The following DDX60 variants were observed in gnomAD, a reference collection of about 807,000 sequenced individuals.
The protein encoded by DDX60 is probable ATP-dependent RNA helicase DDX60.
In DDX60, 165 loss-of-function variants were observed where a neutral mutation model predicts 212.8. The observed-to-expected ratio is 0.78, with a 90% CI of 0.68 to 0.88. The LOEUF is 0.88. Ranked by LOEUF, DDX60 falls within the 40% of genes least tolerant of loss-of-function variation. The pLI, the probability that DDX60 is intolerant of heterozygous loss-of-function variation, is 0.00. For missense variants in DDX60, 1,905 were observed against 2,003.9 expected (o/e 0.95, Z 0.94); for synonymous variants, 703 against 685.3 (o/e 1.03, Z -0.40).
intron 6 of DDX60, among the ~76,000 whole-genome samples, chr4:168,297,370 GAAAGAAAGAAAGAGAAAGAA>G (rs1560870573): frequency 2.1e-4 from 11 of 52,810 alleles, no homozygotes; most frequent in Non-Finnish European, 7.1e-5. Flanking sequence ...AAGAAAGAAA[GAAAGAAAGAAAGAGAAAGAA>G]AGAAAGAAAG....
intron 18 of DDX60, among the ~76,000 whole-genome samples, 169 bp downstream of exon 18, chr4:168,273,106 TCTCA>T (rs1735174422): frequency 6.6e-6 from 1 of 152,220 alleles, no homozygotes; most frequent in South Asian, 2.1e-4. Flanking sequence ...GAGTTCTAGT[TCTCA>T]CTCTTTGAAA....
At chr4:168,219,246 G>A (rs1286744789) in intron 37 of DDX60, among the ~76,000 whole-genome samples, 2 of 150,860 alleles carry the variant, frequency 1.3e-5, no homozygotes, top group South Asian at 2.1e-4. Flanking sequence ...AGCCGAGATC[G>A]CAACACTTCA....
Position 168,293,772 on chromosome 4 carries a change from T to C in DDX60, c.882+15A>G. ...AGAGAAATAGTATTTCTCAGTAAAG[T>C]TATAAAAACCACACCTGTTGGATCT... On this transcript the variant is annotated intron_variant, in intron 7 of 37. Transcript: ENST00000393743. The C allele has an allele frequency of 6.3e-7, 1 of 1,580,806 alleles. No individual in the cohort carries two copies. The highest frequency in any genetic ancestry group is 8.6e-7 in the Non-Finnish European group (1 of 1,166,894).
At position 168,237,692 on chromosome 4, in the gene DDX60, T is replaced by G; in HGVS notation, c.4268A>C (p.Glu1423Ala). 3 of 1,609,964 alleles carry G rather than the reference T, an allele frequency of 1.9e-6. No homozygotes were observed. Among genetic ancestry groups the G allele is most frequent in the African/African-American group, 2.7e-5 (2 of 74,902 alleles). Residue 1423 changes from glutamate (E) to alanine (A), a missense_variant and splice_region_variant, in exon 31 of 38, where the codon GAG becomes GCG. Physicochemically the swap from Glu to Ala is moderately radical, Grantham distance 107. Coordinates refer to ENST00000393743, the MANE Select transcript of DDX60 (RefSeq NM_017631.6). ...AAACAAAAGTGCAGTAATGCATACC[T>G]CTTTCACCAGGAACTGCAAAGAAAA... is the stretch of plus-strand genomic sequence containing the variant. ...FLFSLQFLVKEGYLDQEGNPM... is the reference protein window; with the variant it reads ...FLFSLQFLVKAGYLDQEGNPM...
upstream of DDX60, among the ~76,000 whole-genome samples, chr4:168,322,884 G>T (rs1411085001): frequency 1.3e-5 from 2 of 152,234 alleles, no homozygotes; most frequent in African/African-American, 2.4e-5. Context: ...ACCAAAGGAT[G>T]GGGGGAAGCT....
chr4:168,290,991 T>C (rs952282783), intron 8 of DDX60, among the ~76,000 whole-genome samples: 1 of 152,274 alleles, frequency 6.6e-6, no homozygotes, highest in Non-Finnish European at 1.5e-5. Context: ...TAATCCCATT[T>C]CTAGCTCTCA....
intron 11 of DDX60, 61 bp from the exon 12 acceptor site, chr4:168,284,996 T>G: frequency 1.2e-6 from 1 of 815,380 alleles, no homozygotes; most frequent in Non-Finnish European, 1.9e-6. Context: ...ACAGCACAGA[T>G]TTTATTTTAT....
rs1226603088 is a variant in DDX60 at position 168,318,656 on chromosome 4, C to A, written c.-141G>T. On this transcript the variant is annotated 5_prime_UTR_variant, in exon 1 of 38. Coordinates refer to ENST00000393743, the MANE Select transcript of DDX60 (RefSeq NM_017631.6). ...AGGACCGGTGGTGTCCAAAGACCCG[C>A]GAGCTGCGCGCCCCGCGGGGAGGGA... 1 of 152,416 alleles carries A rather than the reference C, an allele frequency of 6.6e-6. No homozygotes were observed. 9.4% of individuals were successfully genotyped at this position (152,416 alleles called of 1,614,324 possible).
In DDX60 at chr4:168,285,514, A is replaced by C. The variant is rs202154301; in HGVS notation, c.1340-16T>G. 4 of 1,536,664 alleles carry C rather than the reference A, an allele frequency of 2.6e-6. No individual in the cohort carries two copies. Among genetic ancestry groups the C allele is most frequent in the East Asian group, 4.5e-5 (2 of 44,156 alleles). ...TTGGAGCTGTCTGTAAACAAACAAA[A>C]AAAAATTGAGACAAGGTCAAATGTA... On this transcript the variant is annotated splice_polypyrimidine_tract_variant and intron_variant, in intron 10 of 37. Coordinates refer to ENST00000393743, the MANE Select transcript of DDX60 (RefSeq NM_017631.6).
At chr4:168,294,262 A>G (rs1025669960) in intron 6 of DDX60, among the ~76,000 whole-genome samples, 2 of 152,178 alleles carry the variant, frequency 1.3e-5, no homozygotes, top group African/African-American at 4.8e-5. Flanking sequence ...AAGCAACTCA[A>G]AATGGATTAA....
chr4:168,303,415 T>C (rs1409631372), intron 5 of DDX60, among the ~76,000 whole-genome samples: 1 of 152,186 alleles, frequency 6.6e-6, no homozygotes, highest in African/African-American at 2.4e-5. Context: ...ATAACAGTAC[T>C]TCCTTCCAAT....
chr4:168,250,804 T>C, intron 28 of DDX60, 150 bp downstream of exon 28: 2 of 632,532 alleles, frequency 3.2e-6, no homozygotes, highest in Non-Finnish European at 5.3e-6. Flanking sequence ...GTATTATAGG[T>C]ATGACCCATC....
At position 168,308,820 on chromosome 4, in the gene DDX60, G is replaced by A. The variant is rs147627263; in HGVS notation, c.75-625C>T. 3.3e-3 allele frequency among the ~76,000 whole-genome samples: 494 copies of A among 151,168 alleles called. 2 individuals carry two copies. Among genetic ancestry groups the A allele is most frequent in the African/African-American group, 9.2e-3 (379 of 41,262 alleles). On this transcript the variant is annotated intron_variant, in intron 3 of 37. Transcript: ENST00000393743. ...ATATTAGAAAAATTTGTGAAAATTT[G>A]TGACTATTTGAAAAAACTCTCAAAC...
chr4:168,237,293 G>T lies in DDX60; in HGVS notation c.4404C>A (p.Thr1468=). Residue 1468 remains threonine (T), a synonymous_variant, in exon 32 of 38, where the codon ACC becomes ACA. Transcript: ENST00000393743. ...NGLFHDLCQP[T]RKGSKHFSQD... ...ATAAAATCTCAAGCTTACCTTTCCT[G>T]GTTGGCTGACAGAGATCATGGAAGA... The T allele has an allele frequency of 6.5e-7, 1 of 1,543,986 alleles. No individual in the cohort carries two copies. The highest frequency in any genetic ancestry group is 8.7e-7 in the Non-Finnish European group (1 of 1,145,938).
chr4:168,300,313 G>A (rs1487459230), intron 6 of DDX60, among the ~76,000 whole-genome samples: 1 of 152,080 alleles, frequency 6.6e-6, no homozygotes, highest in Non-Finnish European at 1.5e-5. Flanking sequence ...AGGTCGAGGT[G>A]GGCAGATCAC....
At position 168,302,429 on chromosome 4, in the gene DDX60, GA is replaced by G; in HGVS notation, c.607-14del. On this transcript the variant is annotated splice_polypyrimidine_tract_variant and intron_variant, in intron 5 of 37. Transcript: ENST00000393743. ...TGTTCTGCTTATTCTGTAAAATAAA[GA>G]AAAATCAGAAAAGTTGTTATAAATA... is the stretch of plus-strand genomic sequence containing the variant. 2 of 1,203,934 alleles carry G rather than the reference GA, an allele frequency of 1.7e-6. No individual in the cohort carries two copies. The highest frequency in any genetic ancestry group is 3.9e-5 in the South Asian group (2 of 51,372). 74.6% of individuals were successfully genotyped at this position (1,203,934 alleles called of 1,614,324 possible).
Position 168,252,494 on chromosome 4 carries a change from G to C in DDX60, c.3705+15C>G. Reference sequence around the variant, plus strand: ...ATGAAATAGTTTGGAGAACGATCAGGTTGTAAGTGCTGACCTCAGTGTCCA... The same window carrying C: ...ATGAAATAGTTTGGAGAACGATCAGCTTGTAAGTGCTGACCTCAGTGTCCA... On this transcript the variant is annotated intron_variant, in intron 27 of 37. Coordinates refer to ENST00000393743, the MANE Select transcript of DDX60 (RefSeq NM_017631.6). 2 of 1,612,688 alleles carry C rather than the reference G, an allele frequency of 1.2e-6. No homozygotes were observed. Among genetic ancestry groups the C allele is most frequent in the Non-Finnish European group, 1.7e-6 (2 of 1,179,592 alleles).
intron 13 of DDX60, among the ~76,000 whole-genome samples, chr4:168,283,102 A>G (rs1735665214): frequency 6.6e-6 from 1 of 152,174 alleles, no homozygotes; most frequent in Non-Finnish European, 1.5e-5. Flanking sequence ...TAAACATTTC[A>G]TATCCATTTT....
At chr4:168,254,318 T>G (rs923386775) in intron 26 of DDX60, among the ~76,000 whole-genome samples, 2 of 152,128 alleles carry the variant, frequency 1.3e-5, no homozygotes, top group Non-Finnish European at 2.9e-5. Flanking sequence ...TTTTATAACT[T>G]GAAGTCACTA....
Sources: gnomAD v4.1 joint callset for allele counts (sites outside exome capture counted in the v4.1 genomes callset) on GRCh38, gnomAD v4.1.1 for gene constraint, MANE v1.5 for transcripts, NCBI Gene and HGNC (gene_info 2026-07-23, HGNC 2026-07-21) for gene names.